The following TNS3 variants were observed in gnomAD, a reference collection of about 807,000 sequenced individuals.
TNS3 encodes the protein tensin 3.
In TNS3, 45 loss-of-function variants were observed where a neutral mutation model predicts 140.9. The observed-to-expected ratio is 0.32, with a 90% CI of 0.25 to 0.41. The LOEUF (loss-of-function observed/expected upper bound fraction) is 0.41. TNS3 is among the 10% of genes least tolerant of loss of function. The pLI is 1.00. For missense variants in TNS3, 1,716 were observed against 1,906.7 expected, an observed-to-expected ratio of 0.90 and a Z score of 1.86; for synonymous variants, 815 against 788.4, an observed-to-expected ratio of 1.03 and a Z score of -0.56.
chr7:47,451,817 C>A (rs1365926461), intron 4 of TNS3, among the ~76,000 whole-genome samples: 1 of 152,220 alleles, frequency 6.6e-6, no homozygotes, highest in Non-Finnish European at 1.5e-5. Flanking sequence ...GAACAACATT[C>A]AGCTGGCAAA....
rs1338509278 is a variant in TNS3 at position 47,303,136 on chromosome 7, T to C, written c.3271A>G (p.Thr1091Ala). 6.8e-6 allele frequency: 11 copies of C among 1,613,710 alleles called. No homozygotes were observed. The highest frequency in any genetic ancestry group is 2.7e-5 in the African/African-American group (2 of 74,920). Residue 1091 changes from threonine to alanine, a missense_variant, in exon 22 of 31, where the codon ACC (threonine) becomes GCC (alanine). By Grantham distance (58) the Thr-to-Ala change is moderately conservative. Coordinates refer to ENST00000311160, the MANE Select transcript of TNS3 (RefSeq NM_022748.12). Reference sequence around the variant, plus strand: ...GGGAGGGGTGGCTGCCCGGGCAGGGTCACACCCTGGCCCTGCAGGCCTGGA... The same window carrying C: ...GGGAGGGGTGGCTGCCCGGGCAGGGCCACACCCTGGCCCTGCAGGCCTGGA... ...HSPGLQGQGV[T>A]LPGQPPLPEK...
At chr7:47,453,764 C>T (rs1044724588) in intron 4 of TNS3, among the ~76,000 whole-genome samples, 11 of 152,334 alleles carry the variant, frequency 7.2e-5, no homozygotes, top group African/African-American at 2.4e-4. Flanking sequence ...GCCGGATACA[C>T]GGCAGATCTT....
intron 16 of TNS3, among the ~76,000 whole-genome samples, chr7:47,393,073 A>C (rs949881131): frequency 6.6e-6 from 1 of 152,222 alleles, no homozygotes; most frequent in Non-Finnish European, 1.5e-5. Flanking sequence ...ACAGATGCTA[A>C]AGGAGGTGGG....
intron 23 of TNS3, among the ~76,000 whole-genome samples, chr7:47,297,520 T>C (rs1228662559): frequency 6.6e-6 from 1 of 152,184 alleles, no homozygotes; most frequent in African/African-American, 2.4e-5. Context: ...GGGCTGCCCA[T>C]GGAAGAACAC....
chr7:47,288,378 T>C (rs1285031874), intron 27 of TNS3, among the ~76,000 whole-genome samples: 1 of 152,228 alleles, frequency 6.6e-6, no homozygotes, highest in Non-Finnish European at 1.5e-5. Context: ...TCTTCTGCGC[T>C]TTCTTGAACA....
intron 17 of TNS3, among the ~76,000 whole-genome samples, chr7:47,359,246 C>T (rs541950800): frequency 1.5e-4 from 23 of 152,290 alleles, no homozygotes; most frequent in Admixed American, 1.4e-3. Context: ...GGCTGTAACA[C>T]GTCCGGCTCG....
intron 20 of TNS3, among the ~76,000 whole-genome samples, chr7:47,314,187 A>C (rs1787262205): frequency 6.6e-6 from 1 of 152,204 alleles, no homozygotes; most frequent in African/African-American, 2.4e-5. Flanking sequence ...TCACATCTTC[A>C]GGTCAGTGCA....
chr7:47,564,655 A>AAAAAC (rs1562859394), intron 1 of TNS3, among the ~76,000 whole-genome samples: 1 of 148,438 alleles, frequency 6.7e-6, no homozygotes, highest in Non-Finnish European at 1.5e-5. Flanking sequence ...AAAAACAAAA[A>AAAAAC]AAAACAAAAA....
At chr7:47,295,755 G>A (rs1199768226) in intron 24 of TNS3, among the ~76,000 whole-genome samples, 1 of 151,982 alleles carries the variant, frequency 6.6e-6, no homozygotes, top group Non-Finnish European at 1.5e-5. Context: ...ACCCATCTAT[G>A]TTTCCCGGAA....
intron 13 of TNS3, among the ~76,000 whole-genome samples, chr7:47,409,364 C>T (rs1793630427): frequency 1.3e-5 from 2 of 151,110 alleles, no homozygotes; most frequent in South Asian, 2.1e-4. Flanking sequence ...CCTGCAGCTA[C>T]CAGCCCATAA....
chr7:47,387,194 A>C (rs1792124141), intron 16 of TNS3, among the ~76,000 whole-genome samples: 1 of 152,264 alleles, frequency 6.6e-6, no homozygotes, highest in Non-Finnish European at 1.5e-5. Context: ...CTTGATCTTC[A>C]AACAAATCTT....
chr7:47,304,373 A>C (rs1786616770), intron 21 of TNS3, among the ~76,000 whole-genome samples: 1 of 152,252 alleles, frequency 6.6e-6, no homozygotes, highest in East Asian at 1.9e-4. Context: ...TAAGGAGAAC[A>C]GAGGTAGAAT....
chr7:47,512,796 G>C (rs1041278485), intron 2 of TNS3, among the ~76,000 whole-genome samples: 2 of 152,198 alleles, frequency 1.3e-5, no homozygotes, highest in Non-Finnish European at 2.9e-5. Flanking sequence ...AACTGATTCG[G>C]AATTGGAAAA....
intron 3 of TNS3, among the ~76,000 whole-genome samples, chr7:47,501,946 G>A (rs941394621): frequency 2.6e-5 from 4 of 152,160 alleles, no homozygotes; most frequent in Admixed American, 6.5e-5. Context: ...CGCTCAACTC[G>A]TGTTTTAGAG....
chr7:47,453,787 T>C (rs569155484), intron 4 of TNS3, among the ~76,000 whole-genome samples: 5 of 151,848 alleles, frequency 3.3e-5, no homozygotes, highest in Non-Finnish European at 5.9e-5. Context: ...TGACATAGAG[T>C]CCCGGACCTG....
At chr7:47,528,996 T>C in intron 2 of TNS3, 40 bp downstream of exon 2, 1 of 1,164,996 alleles carries the variant, frequency 8.6e-7, no homozygotes, top group South Asian at 1.4e-5. Context: ...TTTGTTTTGC[T>C]CTGGATTAAT....
intron 4 of TNS3, among the ~76,000 whole-genome samples, chr7:47,457,237 G>T (rs1188419087): frequency 6.6e-6 from 1 of 151,042 alleles, no homozygotes; most frequent in South Asian, 2.1e-4. Context: ...CATTCCTGTG[G>T]CGTAAATACT....
rs75796268 is a variant in TNS3, at chr7:47,278,402, T to C, written c.4194-182A>G. On this transcript the variant is annotated intron_variant, in intron 30 of 30. Coordinates refer to ENST00000311160, the MANE Select transcript of TNS3 (RefSeq NM_022748.12). The stretch of plus-strand genomic sequence containing the variant: ...ACTTTACCTCCAGCCTTCACAGACC[T>C]ACAGATGGGATGTCTGACTCTAGCT... The C allele has an allele frequency of 2.3e-3, 1,481 of 639,236 alleles. 22 individuals carry two copies. The East Asian group carries it at 0.025, about 11-fold the overall frequency. The allele number at this position is 639,236 out of a possible 1,614,324, so 39.6% of individuals were successfully genotyped here.
chr7:47,459,263 A>G (rs1254811676), intron 4 of TNS3, among the ~76,000 whole-genome samples: 1 of 152,236 alleles, frequency 6.6e-6, no homozygotes, highest in African/African-American at 2.4e-5. Context: ...TTTGGGGTCC[A>G]CATCACTAGG....
Sources: gnomAD v4.1 joint callset for allele counts (sites outside exome capture counted in the v4.1 genomes callset) on GRCh38, gnomAD v4.1.1 for gene constraint, MANE v1.5 for transcripts, NCBI Gene and HGNC (gene_info 2026-07-23, HGNC 2026-07-21) for gene names.